MRPL48: variants seen among roughly 807,000 people sequenced by gnomAD.
MRPL48 encodes mitochondrial ribosomal protein L48.
Under a neutral mutation model 32.9 loss-of-function variants are expected in MRPL48, and 16 were observed. The ratio of observed to expected loss-of-function variants is 0.49; its 90% CI spans 0.33 to 0.74. MRPL48 has a LOEUF of 0.74. Ranked by LOEUF, MRPL48 falls within the 30% of genes least tolerant of loss-of-function variation. MRPL48 has a pLI of 0.02. For synonymous variants in MRPL48, 94 were observed against 89.2 expected, an observed-to-expected ratio of 1.05 and a Z score of -0.31; for missense variants, 206 against 245.3, an observed-to-expected ratio of 0.84 and a Z score of 1.07.
chr11:73,820,739 A>AATATATAT lies in MRPL48; in HGVS notation c.113-4963_113-4956dup, dbSNP rs71065040. On this transcript the variant is annotated intron_variant, in intron 3 of 7. Transcript: ENST00000310614. The stretch of plus-strand genomic sequence containing the variant: ...TTTATTTATTTGTTTTTGAGTGGAT[A>AATATATAT]ATATATATATATACAAGGAACAGAT... Among the ~76,000 whole-genome samples, 509 of 151,256 alleles carry AATATATAT rather than the reference A, an allele frequency of 3.4e-3. 4 individuals carry two copies. Among genetic ancestry groups the AATATATAT allele is most frequent in the African/African-American group, 8.7e-3 (358 of 41,168 alleles).
intron 5 of MRPL48, among the ~76,000 whole-genome samples, chr11:73,847,806 C>G (rs1362917831): frequency 6.6e-6 from 1 of 152,016 alleles, no homozygotes; most frequent in Non-Finnish European, 1.5e-5. Flanking sequence ...TCTCGAACTC[C>G]TGACCACAAA....
intron 1 of MRPL48, among the ~76,000 whole-genome samples, chr11:73,795,808 T>C (rs1947245459): frequency 6.6e-6 from 1 of 152,092 alleles, no homozygotes; most frequent in African/African-American, 2.4e-5. Flanking sequence ...ACCCGGCTTA[T>C]TCACTTTTAA....
At chr11:73,845,638 C>T (rs1018892964) in intron 5 of MRPL48, among the ~76,000 whole-genome samples, 18 of 152,078 alleles carry the variant, frequency 1.2e-4, no homozygotes, top group African/African-American at 3.6e-4. Flanking sequence ...GGCATGATGG[C>T]ATGTGCCTGT....
At chr11:73,853,463 T>C (rs1384088888) in intron 5 of MRPL48, among the ~76,000 whole-genome samples, 1 of 152,112 alleles carries the variant, frequency 6.6e-6, no homozygotes, top group East Asian at 1.9e-4. Context: ...TATCAGTTAT[T>C]AGCAATATGA....
chr11:73,852,393 C>CAAAAAAAAAAAAA (rs10554131), intron 5 of MRPL48, among the ~76,000 whole-genome samples: 4 of 83,346 alleles, frequency 4.8e-5, no homozygotes, highest in South Asian at 4.2e-4. Flanking sequence ...AACTCTATAG[C>CAAAAAAAAAAAAA]AAAAAAAAAA....
intron 5 of MRPL48, among the ~76,000 whole-genome samples, chr11:73,856,371 C>G (rs1297216324): frequency 6.6e-6 from 1 of 152,070 alleles, no homozygotes; most frequent in African/African-American, 2.4e-5. Context: ...TTGCCATGAC[C>G]TTGAGATGGA....
At chr11:73,833,758 T>G (rs1488000062) in intron 4 of MRPL48, among the ~76,000 whole-genome samples, 2 of 152,184 alleles carry the variant, frequency 1.3e-5, no homozygotes, top group African/African-American at 4.8e-5. Context: ...CACTGTACCC[T>G]CAACCTCTCA....
At chr11:73,817,925 C>T (rs1173838289) in intron 3 of MRPL48, 2 of 230,516 alleles carry the variant, frequency 8.7e-6, no homozygotes, top group African/African-American at 4.7e-5. Flanking sequence ...CTGCCTCAGC[C>T]TCTGGAGTAG....
intron 3 of MRPL48, among the ~76,000 whole-genome samples, chr11:73,811,358 T>C (rs1947562896): frequency 6.6e-6 from 1 of 152,132 alleles, no homozygotes; most frequent in Non-Finnish European, 1.5e-5. Context: ...AAAAAATGAC[T>C]GTAGACAATG....
At chr11:73,809,427 C>A (rs528145900) in intron 3 of MRPL48, among the ~76,000 whole-genome samples, 6 of 151,760 alleles carry the variant, frequency 4.0e-5, no homozygotes, top group South Asian at 2.1e-4. Context: ...TTGTTTGAAC[C>A]CCGGAGGCAG....
intron 4 of MRPL48, among the ~76,000 whole-genome samples, chr11:73,828,214 T>C (rs183014542): frequency 4.0e-5 from 6 of 151,878 alleles, no homozygotes; most frequent in African/African-American, 7.2e-5. Flanking sequence ...CAAGAGTGAG[T>C]TGCAAAATAA....
At chr11:73,850,843 AT>A (rs1948376053) in intron 5 of MRPL48, among the ~76,000 whole-genome samples, 1 of 151,966 alleles carries the variant, frequency 6.6e-6, no homozygotes. Flanking sequence ...CGCCTGGCTA[AT>A]TTTTTGTATT....
At chr11:73,837,212 A>ATGTC (rs1948118434) in intron 4 of MRPL48, among the ~76,000 whole-genome samples, 1 of 152,216 alleles carries the variant, frequency 6.6e-6, no homozygotes, top group South Asian at 2.1e-4. Flanking sequence ...ACCCTGGAGA[A>ATGTC]TGTCACTTAT....
chr11:73,788,037 G>A (rs1485872099), intron 1 of MRPL48, 45 bp downstream of exon 1: 9 of 1,461,486 alleles, frequency 6.2e-6, no homozygotes, highest in Admixed American at 3.6e-5. Flanking sequence ...GATGGCGGAC[G>A]GTGCAGAGAG....
In MRPL48 at chr11:73,825,606, A is replaced by T. The variant is rs1286765642; in HGVS notation, c.113-102A>T. On this transcript the variant is annotated intron_variant, in intron 3 of 7. Coordinates refer to ENST00000310614, the MANE Select transcript of MRPL48 (RefSeq NM_016055.6). ...AGGCTTCAATGAGCTATGAGATGGC[A>T]TTACATCCCAGCTTGGGTGACAGAG... is the stretch of plus-strand genomic sequence containing the variant. 4.9e-6 allele frequency: 5 copies of T among 1,024,540 alleles called. No homozygotes were observed. The East Asian group carries it at 1.4e-4, about 28-fold the overall frequency. 63.5% of individuals were successfully genotyped at this position (1,024,540 alleles called of 1,614,324 possible).
chr11:73,828,009 ATGTTTGTTGTAGG>A (rs1363861592), intron 4 of MRPL48, among the ~76,000 whole-genome samples: 1 of 152,056 alleles, frequency 6.6e-6, no homozygotes. Flanking sequence ...TATATGTAAA[ATGTTTGTTGTAGG>A]TGAATTTTTC....
chr11:73,800,852 C>T (rs531158197), intron 1 of MRPL48, among the ~76,000 whole-genome samples: 53 of 142,324 alleles, frequency 3.7e-4, no homozygotes, highest in African/African-American at 1.4e-3. Flanking sequence ...GCTCTTGTTG[C>T]CCAGGCTGGA....
At chr11:73,801,661 G>T (rs1947365780) in intron 1 of MRPL48, among the ~76,000 whole-genome samples, 1 of 152,126 alleles carries the variant, frequency 6.6e-6, no homozygotes, top group Non-Finnish European at 1.5e-5. Flanking sequence ...GTGTAGAATA[G>T]TGGGGAAATT....
intron 4 of MRPL48, among the ~76,000 whole-genome samples, chr11:73,834,276 C>T (rs561998206): frequency 4.6e-5 from 7 of 152,332 alleles, no homozygotes; most frequent in African/African-American, 1.4e-4. Context: ...GAGAGACCTA[C>T]AATACCAGGG....
Sources: gnomAD v4.1 joint callset for allele counts (sites outside exome capture counted in the v4.1 genomes callset) on GRCh38, gnomAD v4.1.1 for gene constraint, MANE v1.5 for transcripts, NCBI Gene and HGNC (gene_info 2026-07-23, HGNC 2026-07-21) for gene names.